Variants in STAG1 observed in about 807,000 individuals in gnomAD.
The protein encoded by STAG1 is STAG1 cohesin complex component.
STAG1 carries 26 observed loss-of-function variants against 170.9 expected under a neutral mutation model. The ratio of observed to expected loss-of-function variants is 0.15; its 90% CI spans 0.11 to 0.21. The LOEUF (loss-of-function observed/expected upper bound fraction) is 0.21. Among genes scored for constraint, STAG1 ranks in the 10% least tolerant of loss-of-function variants. The pLI is 1.00. For synonymous variants in STAG1, 514 were observed against 497.7 expected, an observed-to-expected ratio of 1.03 and a Z score of -0.44; for missense variants, 964 against 1,509.5, an observed-to-expected ratio of 0.64 and a Z score of 5.99.
At chr3:136,451,098 G>A (rs997342528) in intron 14 of STAG1, among the ~76,000 whole-genome samples, 1 of 151,466 alleles carries the variant, frequency 6.6e-6, no homozygotes, top group African/African-American at 2.4e-5. Context: ...AGTTATTCAG[G>A]AGTTCTTCAG....
chr3:136,549,483 TAG>T (rs952755776), intron 5 of STAG1, among the ~76,000 whole-genome samples: 7 of 152,046 alleles, frequency 4.6e-5, no homozygotes, highest in African/African-American at 1.7e-4. Flanking sequence ...TGATTTTTTG[TAG>T]AGACAGGGTT....
intron 5 of STAG1, among the ~76,000 whole-genome samples, chr3:136,566,938 A>G (rs1288940260): frequency 6.6e-6 from 1 of 152,208 alleles, no homozygotes; most frequent in Non-Finnish European, 1.5e-5. Context: ...AAAGGTCTCT[A>G]TACACTATTA....
chr3:136,479,097 T>A (rs1013695903), intron 9 of STAG1, among the ~76,000 whole-genome samples: 2 of 150,204 alleles, frequency 1.3e-5, no homozygotes, highest in Non-Finnish European at 3.0e-5. Context: ...TTTATTATAC[T>A]TTAAGTTTTA....
intron 6 of STAG1, among the ~76,000 whole-genome samples, chr3:136,527,897 G>T (rs189659904): frequency 2.6e-5 from 4 of 152,204 alleles, no homozygotes; most frequent in African/African-American, 4.8e-5. Context: ...CTGCAGAACA[G>T]TGAATATTGC....
chr3:136,666,838 C>A (rs776792656), intron 1 of STAG1, among the ~76,000 whole-genome samples: 10 of 148,444 alleles, frequency 6.7e-5, no homozygotes, highest in Admixed American at 1.3e-4. Context: ...AAAAAAAAAA[C>A]CTGTTTGATG....
chr3:136,371,360 T>C (rs1240462568), intron 23 of STAG1, among the ~76,000 whole-genome samples: 1 of 152,116 alleles, frequency 6.6e-6, no homozygotes, highest in African/African-American at 2.4e-5. Context: ...TTTAGTTTAA[T>C]TAGATCCCAT....
intron 6 of STAG1, among the ~76,000 whole-genome samples, chr3:136,523,916 A>G (rs1934842871): frequency 6.6e-6 from 1 of 151,750 alleles, no homozygotes; most frequent in African/African-American, 2.4e-5. Flanking sequence ...GACGTGTGAT[A>G]TTATTTCTGA....
At chr3:136,463,714 T>A (rs1174398278) in intron 13 of STAG1, among the ~76,000 whole-genome samples, 21 of 126,144 alleles carry the variant, frequency 1.7e-4, no homozygotes, top group African/African-American at 6.1e-4. Flanking sequence ...CCCATCTCTC[T>A]AAAAAAAAAA....
intron 1 of STAG1, among the ~76,000 whole-genome samples, chr3:136,711,493 C>A (rs1188437500): frequency 2.6e-5 from 4 of 151,526 alleles, no homozygotes; most frequent in Non-Finnish European, 4.4e-5. Context: ...CCCAGGAGGT[C>A]AAGGCTACAG....
At chr3:136,667,339 G>A (rs773749376) in intron 1 of STAG1, among the ~76,000 whole-genome samples, 2 of 152,050 alleles carry the variant, frequency 1.3e-5, no homozygotes, top group Non-Finnish European at 2.9e-5. Context: ...CTTGAGTCTA[G>A]GAGTTCATGT....
rs553321635 is a variant in STAG1, at chr3:136,449,172, C to A, written c.1428+2861G>T. ...CACAAAGAATATTTCTTGTGAAACA[C>A]AGGATACCATAAAAGTCAATATAAA... is the stretch of plus-strand genomic sequence containing the variant. On this transcript the variant is annotated intron_variant, in intron 14 of 33. Coordinates refer to ENST00000383202, the MANE Select transcript of STAG1 (RefSeq NM_005862.3). 9.2e-5 allele frequency among the ~76,000 whole-genome samples: 14 copies of A among 152,246 alleles called. No individual in the cohort carries two copies. The South Asian group carries it at 2.7e-3, about 29-fold the overall frequency.
rs904984784 is a variant in STAG1 at position 136,375,151 on chromosome 3, T to C, written c.2370+2509A>G. ...TTGCCTAACAACACATTTCTCACAATGTATCCTTGTTGTTAAGTGGTGCAT... is the reference window on the plus strand; with the variant it reads ...TTGCCTAACAACACATTTCTCACAACGTATCCTTGTTGTTAAGTGGTGCAT... On this transcript the variant is annotated intron_variant, in intron 23 of 33. Transcript: ENST00000383202. Among the ~76,000 whole-genome samples, 5 of 152,220 alleles carry C rather than the reference T, an allele frequency of 3.3e-5. 1 individual carries two copies. Among genetic ancestry groups the C allele is most frequent in the African/African-American group, 1.2e-4 (5 of 41,470 alleles).
intron 1 of STAG1, among the ~76,000 whole-genome samples, chr3:136,673,679 T>C (rs1942042410): frequency 1.3e-5 from 2 of 152,170 alleles, no homozygotes; most frequent in African/African-American, 2.4e-5. Context: ...CCTCAAAGCC[T>C]GCCCATGATG....
intron 10 of STAG1, among the ~76,000 whole-genome samples, chr3:136,475,621 A>T (rs2089729901): frequency 6.6e-6 from 1 of 152,198 alleles, no homozygotes; most frequent in Non-Finnish European, 1.5e-5. Context: ...GATTGCTATG[A>T]GGTAAGACTC....
chr3:136,734,904 GC>G (rs1559980309), intron 1 of STAG1, among the ~76,000 whole-genome samples: 1 of 152,138 alleles, frequency 6.6e-6, no homozygotes. Context: ...AGTGAAATAA[GC>G]CAGGCAAATA....
At chr3:136,679,375 T>A (rs1473328586) in intron 1 of STAG1, among the ~76,000 whole-genome samples, 2 of 150,236 alleles carry the variant, frequency 1.3e-5, no homozygotes, top group East Asian at 3.9e-4. Flanking sequence ...AGGTCAGGAG[T>A]TCGAGACCAG....
chr3:136,562,081 C>T (rs751719062), intron 5 of STAG1, among the ~76,000 whole-genome samples: 8 of 151,970 alleles, frequency 5.3e-5, no homozygotes, highest in Non-Finnish European at 1.0e-4. Context: ...CAGTATAGTA[C>T]AATGTTCCAA....
At chr3:136,697,817 C>T (rs1942942878) in intron 1 of STAG1, among the ~76,000 whole-genome samples, 1 of 152,132 alleles carries the variant, frequency 6.6e-6, no homozygotes, top group South Asian at 2.1e-4. Context: ...ACATCTTCAG[C>T]CTGATTACAT....
rs908573491 is a variant in STAG1 at position 136,535,527 on chromosome 3, G to A, written c.471+6592C>T. ...AAAATACAAAAATTAGCTAGGCACA[G>A]TGGCACAAGCCTGTAATCCCAGCTA... On this transcript the variant is annotated intron_variant, in intron 6 of 33. Coordinates refer to ENST00000383202, the MANE Select transcript of STAG1 (RefSeq NM_005862.3). Among the ~76,000 whole-genome samples the A allele has an allele frequency of 2.9e-4, 44 of 152,328 alleles. 1 individual carries two copies. Among genetic ancestry groups the A allele is most frequent in the African/African-American group, 1.0e-3 (43 of 41,586 alleles).
Sources: gnomAD v4.1 joint callset for allele counts (sites outside exome capture counted in the v4.1 genomes callset) on GRCh38, gnomAD v4.1.1 for gene constraint, MANE v1.5 for transcripts, NCBI Gene and HGNC (gene_info 2026-07-23, HGNC 2026-07-21) for gene names.